PITPNM2: variants seen among roughly 807,000 people sequenced by gnomAD.
The protein encoded by PITPNM2 is membrane-associated phosphatidylinositol transfer protein 2.
A neutral mutation model predicts 132.2 loss-of-function variants in PITPNM2; 35 were observed. The observed-to-expected ratio is 0.26, with a 90% confidence interval of 0.20 to 0.35. The LOEUF is 0.35. PITPNM2 is among the 10% of genes least tolerant of loss of function. The pLI is 1.00. For missense variants in PITPNM2, 1,332 were observed against 1,912.0 expected, an observed-to-expected ratio of 0.70 and a Z score of 5.66; for synonymous variants, 738 against 799.2, an observed-to-expected ratio of 0.92 and a Z score of 1.29.
intron 3 of PITPNM2, among the ~76,000 whole-genome samples, chr12:123,030,494 C>T (rs1266788980): frequency 1.3e-5 from 2 of 152,166 alleles, no homozygotes; most frequent in Non-Finnish European, 1.5e-5. Flanking sequence ...GAGCTCGAGA[C>T]CATCCTGGCT....
rs1436417306 is a variant in PITPNM2, at chr12:122,989,858, T to TG, written c.2659dup (p.His887ProfsTer19). ...AGGGCTTGCCTTCCTGGCTGGAGGG[T>TG]GGGGGCCAGGGGTGGTGGGGCTGGG... On this transcript the variant is annotated frameshift_variant, in exon 18 of 26. Transcript: ENST00000320201. LOFTEE classifies it high-confidence loss of function. The TG allele has an allele frequency of 4.5e-6, 2 of 445,866 alleles. No individual in the cohort carries two copies. Among genetic ancestry groups the TG allele is most frequent in the Non-Finnish European group, 6.0e-6 (2 of 333,590 alleles). 27.6% of individuals were successfully genotyped at this position (445,866 alleles called of 1,614,324 possible).
At chr12:123,070,307 G>A (rs918482114) in intron 2 of PITPNM2, among the ~76,000 whole-genome samples, 1 of 152,218 alleles carries the variant, frequency 6.6e-6, no homozygotes, top group Non-Finnish European at 1.5e-5. Context: ...GGGAGCTGAA[G>A]CAGGTCCCTG....
At chr12:123,041,431 G>A (rs183687220) in intron 2 of PITPNM2, among the ~76,000 whole-genome samples, 3 of 152,290 alleles carry the variant, frequency 2.0e-5, no homozygotes, top group Non-Finnish European at 4.4e-5. Flanking sequence ...AGCCAGGCAC[G>A]GACCTACTGG....
At position 123,004,489 on chromosome 12, in the gene PITPNM2, G is replaced by A. The variant is rs201868076; in HGVS notation, c.953C>T (p.Ala318Val). Residue 318 changes from alanine to valine, a missense_variant and splice_region_variant, in exon 8 of 26, where the codon GCG (alanine) becomes GTG (valine). Physicochemically the swap from Ala to Val is moderately conservative, Grantham distance 64. This residue lies in a region of PITPNM2 where 710 missense variants were observed against 911.5 expected (regional missense o/e 0.78). Coordinates refer to ENST00000320201, the MANE Select transcript of PITPNM2 (RefSeq NM_020845.3). The surrounding 1 kb of genome is among the most constrained non-coding windows in gnomAD (Gnocchi z 4.9). ...TGAGATGCTGTGGCGGGAAGGACTC[G>A]CTGGAAGGCAAAACCCCAGATTGAC... ...SKSSRSSKRGASPSRHSISEW... is the reference protein window; with the variant it reads ...SKSSRSSKRGVSPSRHSISEW... 167 of 1,613,514 alleles carry A rather than the reference G, an allele frequency of 1.0e-4. No individual in the cohort carries two copies. Among genetic ancestry groups the A allele is most frequent in the Middle Eastern group, 8.2e-4 (5 of 6,062 alleles).
At chr12:123,035,632 C>T (rs2040241257) in intron 2 of PITPNM2, among the ~76,000 whole-genome samples, 2 of 151,618 alleles carry the variant, frequency 1.3e-5, no homozygotes, top group African/African-American at 2.4e-5. Context: ...CGCCATTGCA[C>T]TCCAGCCTGG....
chr12:123,100,013 G>A (rs541413337), intron 2 of PITPNM2, among the ~76,000 whole-genome samples: 11 of 152,262 alleles, frequency 7.2e-5, no homozygotes, highest in African/African-American at 2.2e-4. Context: ...AGCCTACTCC[G>A]CAGACACCTA....
At position 123,031,995 on chromosome 12, in the gene PITPNM2, T is replaced by A. The variant is rs2040108442; in HGVS notation, c.78+2518A>T. ...GCCCTGAGAGTGCTGATGCTCACGA[T>A]CTGCAAGGCGGGAGATGTTTCCATC... is the stretch of plus-strand genomic sequence containing the variant. On this transcript the variant is annotated intron_variant, in intron 3 of 25. Coordinates refer to ENST00000320201, the MANE Select transcript of PITPNM2 (RefSeq NM_020845.3). This position sits in a 1 kb window ranked among gnomAD's most constrained non-coding sequence, Gnocchi z 4.5. 6.6e-6 allele frequency among the ~76,000 whole-genome samples: 1 copy of A among 152,186 alleles called. No individual in the cohort carries two copies. The highest frequency in any genetic ancestry group is 1.9e-4 in the East Asian group (1 of 5,198).
At chr12:123,069,047 GT>G (rs984426001) in intron 2 of PITPNM2, among the ~76,000 whole-genome samples, 2 of 152,084 alleles carry the variant, frequency 1.3e-5, no homozygotes, top group Non-Finnish European at 2.9e-5. Context: ...GAGACCAGGA[GT>G]TTGAGACTAG....
intron 2 of PITPNM2, among the ~76,000 whole-genome samples, chr12:123,049,165 C>A (rs1003753015): frequency 2.0e-5 from 3 of 151,560 alleles, no homozygotes; most frequent in African/African-American, 7.3e-5. Context: ...CACACACACA[C>A]CCCTCCTACA....
chr12:123,006,422 C>T (rs1037752727), intron 6 of PITPNM2, among the ~76,000 whole-genome samples: 2 of 151,598 alleles, frequency 1.3e-5, no homozygotes, highest in South Asian at 4.2e-4. Context: ...ATTAAAGGGC[C>T]AGGCATGGTA....
Position 122,996,551 on chromosome 12 carries a change from C to A in PITPNM2, c.1689G>T (p.Gly563=). ...ACAGGGCATCAAATGCCAGGATGCC[C>A]CCGACGCAGTCCCCAATCAGGCAGA... The part of the protein sequence containing the change: ...GQVCLIGDCV[G]GILAFDALCY... Residue 563 remains glycine (G), a synonymous_variant, in exon 13 of 26, where the codon GGG becomes GGT. Transcript: ENST00000320201. 6.2e-7 allele frequency: 1 copy of A among 1,613,088 alleles called. No homozygotes were observed. The highest frequency in any genetic ancestry group is 1.1e-5 in the South Asian group (1 of 91,086).
rs1566303194 is a variant in PITPNM2, at chr12:123,125,863, G to GCTT, written c.-199-15376_-199-15375insAAG. Among the ~76,000 whole-genome samples the GCTT allele has an allele frequency of 8.5e-4, 68 of 79,656 alleles. 2 individuals carry two copies. The highest frequency in any genetic ancestry group is 2.8e-3 in the African/African-American group (67 of 23,968). The allele number at this position is 79,656 out of a possible 152,430, so 52.3% of individuals were successfully genotyped here. The stretch of plus-strand genomic sequence containing the variant: ...TCTCAAAAAAAAAAAAAAAAATTAG[G>GCTT]GTTTTTTTTTTTTTTTTTTTTTTTG... On this transcript the variant is annotated intron_variant, in intron 1 of 25. Coordinates refer to ENST00000320201, the MANE Select transcript of PITPNM2 (RefSeq NM_020845.3).
rs1410346829 is a variant in PITPNM2, at chr12:123,150,555, G to C, written c.-200+198C>G. 6.6e-5 allele frequency among the ~76,000 whole-genome samples: 10 copies of C among 152,004 alleles called. No individual in the cohort carries two copies. Among genetic ancestry groups the C allele is most frequent in the African/African-American group, 2.4e-4 (10 of 41,532 alleles). On this transcript the variant is annotated intron_variant, in intron 1 of 25. Coordinates refer to ENST00000320201, the MANE Select transcript of PITPNM2 (RefSeq NM_020845.3). The surrounding 1 kb of genome is among the most constrained non-coding windows in gnomAD (Gnocchi z 6.0). ...GCCAGGCTCGGGCGGTCTCCCGAGC[G>C]GGGCTCCCGTACGCCACACCCTCCT...
intron 20 of PITPNM2, 134 bp downstream of exon 20, chr12:122,988,100 T>C: frequency 1.1e-6 from 1 of 916,860 alleles, no homozygotes; most frequent in Non-Finnish European, 1.7e-6. Flanking sequence ...TGAAGTGGGC[T>C]GACAGCTCCA....
chr12:123,146,787 C>T lies in PITPNM2; in HGVS notation c.-200+3966G>A, dbSNP rs149863599. Reference sequence around the variant, plus strand: ...ATACTCATTTCACAGGAAACAAGGACCCATGTACAGGGCTGTCACTTTTAA... The same window carrying T: ...ATACTCATTTCACAGGAAACAAGGATCCATGTACAGGGCTGTCACTTTTAA... On this transcript the variant is annotated intron_variant, in intron 1 of 25. Transcript: ENST00000320201. Among the ~76,000 whole-genome samples, 176 of 152,084 alleles carry T rather than the reference C, an allele frequency of 1.2e-3. 3 individuals carry two copies. The highest frequency in any genetic ancestry group is 3.9e-3 in the African/African-American group (163 of 41,468).
chr12:123,141,122 A>G (rs1565883415), intron 1 of PITPNM2, among the ~76,000 whole-genome samples: 1 of 152,180 alleles, frequency 6.6e-6, no homozygotes, highest in Non-Finnish European at 1.5e-5. Flanking sequence ...TCAGGTCTAG[A>G]GTCCAGCCAG....
chr12:123,061,087 C>T (rs944548278), intron 2 of PITPNM2, among the ~76,000 whole-genome samples: 1 of 152,074 alleles, frequency 6.6e-6, no homozygotes, highest in Non-Finnish European at 1.5e-5. Context: ...CATCCATCCA[C>T]CCATGCATCC....
At chr12:122,997,227 G>A (rs1167213671) in intron 11 of PITPNM2, 98 bp downstream of exon 11, 3 of 1,551,792 alleles carry the variant, frequency 1.9e-6, no homozygotes, top group African/African-American at 1.4e-5. Flanking sequence ...CTGGACATCG[G>A]GGCAGGAGTC....
At chr12:122,998,741 A>AG (rs1350433789) in intron 10 of PITPNM2, among the ~76,000 whole-genome samples, 1 of 103,728 alleles carries the variant, frequency 9.6e-6, no homozygotes, top group Non-Finnish European at 1.8e-5. Context: ...GCCAGGGGGT[A>AG]GGGGTAGCAC....
Sources: allele counts gnomAD v4.1 joint callset (sites outside exome capture counted in the v4.1 genomes callset), GRCh38; gene constraint gnomAD v4.1.1; regional missense constraint gnomAD v4.1.1; non-coding constraint Gnocchi (gnomAD v3.1); transcripts MANE v1.5; gene names NCBI Gene and HGNC (gene_info 2026-07-23, HGNC 2026-07-21).